Variants in FAM227B observed in about 807,000 individuals in gnomAD.
The protein encoded by FAM227B is family with sequence similarity 227 member B.
In FAM227B, 88 loss-of-function variants were observed where a neutral mutation model predicts 73.8. The observed-to-expected ratio is 1.19, with a 90% CI of 1.00 to 1.42. The LOEUF is 1.42. Among genes scored for constraint, FAM227B ranks in the 40% most tolerant of loss-of-function variants. The pLI, the probability that FAM227B is intolerant of heterozygous loss-of-function variation, is 0.00. For synonymous variants in FAM227B, 210 were observed against 190.5 expected (o/e 1.10, Z -0.84); for missense variants, 632 against 590.9 (o/e 1.07, Z -0.72).
chr15:49,375,060 T>C (rs1337990118), intron 11 of FAM227B, among the ~76,000 whole-genome samples: 1 of 152,180 alleles, frequency 6.6e-6, no homozygotes, highest in Non-Finnish European at 1.5e-5. Context: ...AAATTCATGG[T>C]TCAAATTGGC....
intron 9 of FAM227B, among the ~76,000 whole-genome samples, chr15:49,561,825 A>T (rs954679240): frequency 6.6e-6 from 1 of 152,116 alleles, no homozygotes; most frequent in Admixed American, 6.5e-5. Flanking sequence ...GACATACCCA[A>T]ATTTCTGGTA....
intron 11 of FAM227B, among the ~76,000 whole-genome samples, chr15:49,452,220 T>C (rs935574498): frequency 6.6e-6 from 1 of 152,098 alleles, no homozygotes; most frequent in Non-Finnish European, 1.5e-5. Context: ...TTTTGTATTT[T>C]TAGTACAAAT....
chr15:49,620,252 G>C (rs1010388883), intron 1 of FAM227B: 1 of 152,110 alleles, frequency 6.6e-6, no homozygotes, highest in Non-Finnish European at 1.5e-5. Context: ...TTCTGTACTT[G>C]AATTTAACAT....
chr15:49,355,072 C>A (rs898050466), intron 13 of FAM227B, among the ~76,000 whole-genome samples: 3 of 150,736 alleles, frequency 2.0e-5, no homozygotes, highest in Non-Finnish European at 3.0e-5. Context: ...AGGACATCCA[C>A]ACCAAAAACC....
chr15:49,369,255 C>T (rs772870154), intron 12 of FAM227B, among the ~76,000 whole-genome samples: 1 of 152,132 alleles, frequency 6.6e-6, no homozygotes, highest in African/African-American at 2.4e-5. Flanking sequence ...CTGCACCCGG[C>T]CTGGTGTTTT....
chr15:49,541,746 A>G lies in FAM227B; in HGVS notation c.808T>C (p.Ser270Pro). Residue 270 changes from serine to proline, a missense_variant, in exon 10 of 16, where the codon TCG (serine) becomes CCG (proline). Ser to Pro is a moderately conservative substitution (Grantham distance 74, BLOSUM62 -1). Coordinates refer to ENST00000299338, the MANE Select transcript of FAM227B (RefSeq NM_152647.3). The part of the protein sequence containing the change: ...YATFHEAFPE[S>P]SYLFNDEFKE... The stretch of plus-strand genomic sequence containing the variant: ...AATTCATCATTAAAGAGGTAACTCG[A>G]TTCTGGAAATGCTTCATGGAACGTT... 1 of 1,544,348 alleles carries G rather than the reference A, an allele frequency of 6.5e-7. No individual in the cohort carries two copies. The highest frequency in any genetic ancestry group is 8.7e-7 in the Non-Finnish European group (1 of 1,145,136).
chr15:49,541,599 T>A, intron 10 of FAM227B, 81 bp downstream of exon 10: 1 of 1,215,504 alleles, frequency 8.2e-7, no homozygotes, highest in Non-Finnish European at 1.1e-6. Context: ...CCAATATTTT[T>A]GGATGGAATA....
chr15:49,386,769 A>C (rs1450532111), intron 11 of FAM227B, among the ~76,000 whole-genome samples: 1 of 151,902 alleles, frequency 6.6e-6, no homozygotes, highest in Non-Finnish European at 1.5e-5. Context: ...ATTAACCAAG[A>C]AGAGGGAAGA....
chr15:49,478,528 A>G (rs989335702), intron 11 of FAM227B, among the ~76,000 whole-genome samples: 22 of 152,270 alleles, frequency 1.4e-4, no homozygotes, highest in Admixed American at 3.9e-4. Flanking sequence ...AGAAAATCAT[A>G]AAATGTATTT....
chr15:49,609,931 A>G (rs1005741017), intron 3 of FAM227B, among the ~76,000 whole-genome samples: 3 of 152,074 alleles, frequency 2.0e-5, no homozygotes, highest in African/African-American at 7.2e-5. Flanking sequence ...CTTGAAGGCT[A>G]TAAATATAGC....
At chr15:49,451,992 GAT>G (rs1233463142) in intron 11 of FAM227B, among the ~76,000 whole-genome samples, 2 of 152,004 alleles carry the variant, frequency 1.3e-5, no homozygotes, top group African/African-American at 4.8e-5. Flanking sequence ...CTCTCAATAT[GAT>G]ATCTTATATC....
At chr15:49,617,542 G>A (rs1224578619) in intron 1 of FAM227B, among the ~76,000 whole-genome samples, 1 of 152,130 alleles carries the variant, frequency 6.6e-6, no homozygotes, top group African/African-American at 2.4e-5. Flanking sequence ...AGAGGATTAT[G>A]CCAGAAAATG....
intron 11 of FAM227B, among the ~76,000 whole-genome samples, chr15:49,392,276 T>TTAG (rs1243597436): frequency 6.6e-6 from 1 of 152,134 alleles, no homozygotes; most frequent in African/African-American, 2.4e-5. Flanking sequence ...AGGGCTTGAA[T>TTAG]TAGTACCTTG....
chr15:49,371,696 T>C, intron 11 of FAM227B, among the ~76,000 whole-genome samples: 1 of 150,220 alleles, frequency 6.7e-6, no homozygotes, highest in Middle Eastern at 3.7e-3. Flanking sequence ...TAAAATTCAC[T>C]TATAAATAAA....
chr15:49,547,648 G>C (rs1249584052), intron 9 of FAM227B, among the ~76,000 whole-genome samples: 7 of 152,126 alleles, frequency 4.6e-5, no homozygotes, highest in Admixed American at 2.6e-4. Flanking sequence ...TGATAAAACA[G>C]ACTTTAAACC....
chr15:49,463,545 C>T (rs2053991103), intron 11 of FAM227B, among the ~76,000 whole-genome samples: 1 of 127,512 alleles, frequency 7.8e-6, no homozygotes, highest in African/African-American at 3.3e-5. Flanking sequence ...AGTGAGATTC[C>T]GTCTCAAAAA....
At chr15:49,546,864 T>C (rs1017287503) in intron 9 of FAM227B, among the ~76,000 whole-genome samples, 1 of 152,146 alleles carries the variant, frequency 6.6e-6, no homozygotes, top group African/African-American at 2.4e-5. Flanking sequence ...CTCTGCAGGA[T>C]ATTATCCAGG....
At chr15:49,342,828 T>C (rs1262268922) in intron 13 of FAM227B, among the ~76,000 whole-genome samples, 1 of 152,214 alleles carries the variant, frequency 6.6e-6, no homozygotes, top group African/African-American at 2.4e-5. Flanking sequence ...GAATTTCTTT[T>C]CTTTAAGAAT....
chr15:49,505,400 C>T (rs1453662964), intron 11 of FAM227B, among the ~76,000 whole-genome samples: 3 of 151,894 alleles, frequency 2.0e-5, no homozygotes, highest in African/African-American at 4.8e-5. Context: ...TTATTGTACA[C>T]CAATTAGATC....
Sources: allele counts gnomAD v4.1 joint callset (sites outside exome capture counted in the v4.1 genomes callset), GRCh38; gene constraint gnomAD v4.1.1; transcripts MANE v1.5; gene names NCBI Gene and HGNC (gene_info 2026-07-23, HGNC 2026-07-21).